The following TCF12 variants were observed in gnomAD, a reference collection of about 807,000 sequenced individuals.
TCF12 encodes DNA-binding protein HTF4.
In TCF12, 45 loss-of-function variants were observed where a neutral mutation model predicts 86.0. That is an observed-to-expected ratio of 0.52 (90% CI 0.41 to 0.67). The LOEUF is 0.67. Among genes scored for constraint, TCF12 ranks in the 30% least tolerant of loss-of-function variants. TCF12 has a pLI of 0.00. For synonymous variants in TCF12, 330 were observed against 299.6 expected (o/e 1.10, Z -1.05); for missense variants, 881 against 859.9 (o/e 1.02, Z -0.31).
At chr15:57,025,224 C>T (rs987363416) in intron 3 of TCF12, among the ~76,000 whole-genome samples, 2 of 152,012 alleles carry the variant, frequency 1.3e-5, no homozygotes, top group Admixed American at 6.6e-5. Flanking sequence ...GGACTACAGG[C>T]GCCTGCTACC....
intron 12 of TCF12, among the ~76,000 whole-genome samples, chr15:57,239,078 T>C (rs16977341): frequency 0.051 from 7,737 of 152,190 alleles, 556 homozygotes; most frequent in African/African-American, 0.16. Context: ...CTATAAGGGC[T>C]AGGCAACACC....
At chr15:57,095,767 C>A (rs1446829959) in intron 5 of TCF12, among the ~76,000 whole-genome samples, 2 of 152,076 alleles carry the variant, frequency 1.3e-5, no homozygotes, top group African/African-American at 4.8e-5. Flanking sequence ...TCTGAAAATA[C>A]CTTTACCTTT....
chr15:57,119,733 G>A (rs1234961420), intron 5 of TCF12, among the ~76,000 whole-genome samples: 1 of 151,988 alleles, frequency 6.6e-6, no homozygotes, highest in Non-Finnish European at 1.5e-5. Context: ...CACTGATTTA[G>A]CAGATCCTTG....
Position 57,282,490 on chromosome 15 carries a change from A to T in TCF12, c.2024A>T (p.Glu675Val). The T allele has an allele frequency of 6.2e-7, 1 of 1,614,246 alleles. No homozygotes were observed. The highest frequency in any genetic ancestry group is 8.5e-7 in the Non-Finnish European group (1 of 1,180,046). ...PKAACLKRRE[E>V]EKVSAVSAEP... ...GCAGCCTGCCTTAAGAGAAGGGAAG[A>T]AGAAAAAGTTTCTGCCGTATCGGCA... The change falls in exon 20 of 21, where the codon GAA (glutamate) becomes GTA (valine). Residue 675 changes from glutamate to valine, a missense_variant. Glu to Val is a moderately radical substitution (Grantham distance 121, BLOSUM62 -2). Coordinates refer to ENST00000333725, the MANE Select transcript of TCF12 (RefSeq NM_207037.2).
intron 3 of TCF12, among the ~76,000 whole-genome samples, chr15:57,058,192 G>A (rs1567335921): frequency 6.6e-6 from 1 of 152,106 alleles, no homozygotes; most frequent in African/African-American, 2.4e-5. Context: ...TTCAATTCCT[G>A]GCCATCAGGC....
intron 8 of TCF12, among the ~76,000 whole-genome samples, chr15:57,216,247 G>C (rs571172209): frequency 6.6e-6 from 1 of 152,058 alleles, no homozygotes; most frequent in East Asian, 1.9e-4. Context: ...TACGTATTTT[G>C]TCAGGGTCCT....
At chr15:57,198,454 T>A (rs2057377802) in intron 8 of TCF12, among the ~76,000 whole-genome samples, 1 of 152,162 alleles carries the variant, frequency 6.6e-6, no homozygotes, top group Non-Finnish European at 1.5e-5. Flanking sequence ...AATAAAGGGC[T>A]TTGATGAAGA....
At position 57,135,647 on chromosome 15, in the gene TCF12, A is replaced by G. The variant is rs115431438; in HGVS notation, c.326-30755A>G. ...GATTTGAGATAGAAAAGCTTTTTAA[A>G]AAAGTATCCAGTTTTTCTTTAACTG... is the stretch of plus-strand genomic sequence containing the variant. On this transcript the variant is annotated intron_variant, in intron 5 of 20. Coordinates refer to ENST00000333725, the MANE Select transcript of TCF12 (RefSeq NM_207037.2). Among the ~76,000 whole-genome samples the G allele has an allele frequency of 2.4e-3, 360 of 152,346 alleles. 2 individuals are homozygous for G. The highest frequency in any genetic ancestry group is 8.4e-3 in the African/African-American group (351 of 41,590).
At chr15:57,004,869 A>G (rs183499873) in intron 3 of TCF12, among the ~76,000 whole-genome samples, 1 of 152,284 alleles carries the variant, frequency 6.6e-6, no homozygotes, top group Non-Finnish European at 1.5e-5. Context: ...CATTTCTTAA[A>G]TTGTGAGTTT....
chr15:57,030,378 A>G (rs1408509064), intron 3 of TCF12, among the ~76,000 whole-genome samples: 1 of 152,102 alleles, frequency 6.6e-6, no homozygotes, highest in Non-Finnish European at 1.5e-5. Context: ...AGCTGGGACC[A>G]CAGGTGCAAG....
intron 3 of TCF12, among the ~76,000 whole-genome samples, chr15:57,015,999 C>A (rs2065131411): frequency 6.6e-6 from 1 of 152,116 alleles, no homozygotes; most frequent in Non-Finnish European, 1.5e-5. Context: ...TCATATAGTT[C>A]TCATATGATT....
chr15:57,219,580 A>G (rs545199559), intron 8 of TCF12: 14 of 1,613,178 alleles, frequency 8.7e-6, no homozygotes, highest in African/African-American at 2.7e-5. Flanking sequence ...TATTACTACA[A>G]TGGGAAAACG....
intron 19 of TCF12, chr15:57,278,740 CCTCCCTCCCT>C (rs1442682048): frequency 8.0e-6 from 1 of 125,404 alleles, no homozygotes; most frequent in Non-Finnish European, 1.7e-5. Flanking sequence ...CCTCTCTCTC[CCTCCCTCCCT>C]CTCTCTCCCT....
At chr15:57,180,042 G>A (rs999397379) in intron 6 of TCF12, among the ~76,000 whole-genome samples, 5 of 152,158 alleles carry the variant, frequency 3.3e-5, no homozygotes, top group African/African-American at 4.8e-5. Context: ...TTAACAACAT[G>A]CTGATAATTG....
intron 3 of TCF12, among the ~76,000 whole-genome samples, chr15:57,020,438 G>T (rs985455298): frequency 6.6e-6 from 1 of 152,138 alleles, no homozygotes; most frequent in Non-Finnish European, 1.5e-5. Flanking sequence ...TTTTAAAAGG[G>T]TACTTTATTT....
chr15:56,975,167 A>G (rs12916958), intron 3 of TCF12, among the ~76,000 whole-genome samples: 58,788 of 151,976 alleles, frequency 0.39, 14,173 homozygotes, highest in Non-Finnish European at 0.53. Flanking sequence ...ATCTTTTGTG[A>G]TTAGTAGATT....
intron 13 of TCF12, among the ~76,000 whole-genome samples, chr15:57,245,508 A>G (rs1219536318): frequency 2.0e-5 from 3 of 152,218 alleles, no homozygotes; most frequent in African/African-American, 7.2e-5. Context: ...TTTCCATATC[A>G]GCATTCCCAC....
chr15:57,023,317 C>T (rs1331037781), intron 3 of TCF12, among the ~76,000 whole-genome samples: 1 of 152,114 alleles, frequency 6.6e-6, no homozygotes, highest in Admixed American at 6.5e-5. Context: ...ATTTAATCCT[C>T]ATGGGAACTT....
chr15:57,134,092 G>T (rs1267587057), intron 5 of TCF12, among the ~76,000 whole-genome samples: 1 of 152,174 alleles, frequency 6.6e-6, no homozygotes, highest in African/African-American at 2.4e-5. Context: ...TAAATGTCAA[G>T]AAATTATTTA....
Sources: gnomAD v4.1 joint callset for allele counts (sites outside exome capture counted in the v4.1 genomes callset) on GRCh38, gnomAD v4.1.1 for gene constraint, MANE v1.5 for transcripts, NCBI Gene and HGNC (gene_info 2026-07-23, HGNC 2026-07-21) for gene names.